The following RREB1 variants were observed in gnomAD, a reference collection of about 807,000 sequenced individuals.
The protein encoded by RREB1 is ras responsive element binding protein 1, also known as ras-responsive element-binding protein 1.
In RREB1, 27 loss-of-function variants were observed where a neutral mutation model predicts 117.8. The observed-to-expected ratio is 0.23, with a 90% confidence interval of 0.17 to 0.32. The LOEUF (loss-of-function observed/expected upper bound fraction) is 0.32, where lower values mean the gene tolerates loss of function less well. RREB1 is among the 10% of genes least tolerant of loss of function. The pLI, the probability that RREB1 is intolerant of heterozygous loss-of-function variation, is 1.00. For synonymous variants in RREB1, 1,298 were observed against 1,026.7 expected (o/e 1.26, Z -5.05); for missense variants, 2,577 against 2,378.2 (o/e 1.08, Z -1.74).
chr6:7,241,100 T>C (rs1239746790), intron 11 of RREB1, among the ~76,000 whole-genome samples: 1 of 152,114 alleles, frequency 6.6e-6, no homozygotes, highest in Non-Finnish European at 1.5e-5. Context: ...CTCTTCCCGG[T>C]GTAAGACTGT....
At chr6:7,205,822 A>G (rs1396361915) in intron 6 of RREB1, among the ~76,000 whole-genome samples, 4 of 152,210 alleles carry the variant, frequency 2.6e-5, no homozygotes, top group Non-Finnish European at 4.4e-5. Context: ...GACCATCTCA[A>G]ATTTTAGAAA....
chr6:7,192,817 C>T (rs902602860), intron 6 of RREB1, among the ~76,000 whole-genome samples: 7 of 151,922 alleles, frequency 4.6e-5, no homozygotes, highest in African/African-American at 1.2e-4. Flanking sequence ...TATTATTATC[C>T]GTTTTCTGCT....
intron 1 of RREB1, among the ~76,000 whole-genome samples, chr6:7,145,243 G>A (rs1210624309): frequency 2.0e-5 from 3 of 152,188 alleles, no homozygotes; most frequent in Non-Finnish European, 1.5e-5. Flanking sequence ...TACATGTGTG[G>A]TCGCATGTTT....
chr6:7,130,139 G>A (rs1391183861), intron 1 of RREB1, among the ~76,000 whole-genome samples: 5 of 152,192 alleles, frequency 3.3e-5, no homozygotes, highest in African/African-American at 4.8e-5. Context: ...AGGAGACAAG[G>A]AGTGCCTTCA....
At chr6:7,209,675 A>C (rs746570152) in intron 6 of RREB1, among the ~76,000 whole-genome samples, 1 of 151,702 alleles carries the variant, frequency 6.6e-6, no homozygotes, top group African/African-American at 2.4e-5. Flanking sequence ...TTGAGAGCCA[A>C]TACCGTGCCA....
At chr6:7,237,870 G>A (rs957652428) in intron 10 of RREB1, among the ~76,000 whole-genome samples, 2 of 152,204 alleles carry the variant, frequency 1.3e-5, no homozygotes, top group Non-Finnish European at 2.9e-5. Context: ...AGCCTTTGTA[G>A]TTTGATGCAA....
intron 10 of RREB1, among the ~76,000 whole-genome samples, chr6:7,232,750 C>G (rs575328790): frequency 2.5e-4 from 36 of 145,040 alleles, no homozygotes; most frequent in African/African-American, 8.6e-4. Flanking sequence ...AAGTATCTTC[C>G]TTTTTTCTTT....
chr6:7,184,270 TA>T (rs200565289), intron 4 of RREB1, among the ~76,000 whole-genome samples: 36 of 150,200 alleles, frequency 2.4e-4, no homozygotes, highest in African/African-American at 8.7e-4. Flanking sequence ...ATTTTATTAT[TA>T]TTATTTTTTT....
At chr6:7,199,616 A>T (rs530135706) in intron 6 of RREB1, among the ~76,000 whole-genome samples, 1 of 151,956 alleles carries the variant, frequency 6.6e-6, no homozygotes, top group South Asian at 2.1e-4. Context: ...ATGTTTACAT[A>T]TATATGTGTG....
chr6:7,210,689 C>A, intron 6 of RREB1, 115 bp from the exon 7 acceptor site: 2 of 803,628 alleles, frequency 2.5e-6, no homozygotes, highest in Non-Finnish European at 3.9e-6. Flanking sequence ...AATTATACCT[C>A]ATATCTCTTA....
At position 7,248,911 on chromosome 6, in the gene RREB1, T is replaced by G. The variant is rs1488528766; in HGVS notation, c.5172T>G (p.Pro1724=). ...TGCTGGAGCCGCGCAGCAAGAGGCCTGCCCACCCAATCCTGGCCACAGCTG... is the reference window on the plus strand; with the variant it reads ...TGCTGGAGCCGCGCAGCAAGAGGCCGGCCCACCCAATCCTGGCCACAGCTG... ...QDLLEPRSKR[P]AHPILATADG... The change falls in exon 13 of 13, where the codon CCT becomes CCG. Residue 1724 remains proline (P), a synonymous_variant. Transcript: ENST00000379938. 1 of 1,548,490 alleles carries G rather than the reference T, an allele frequency of 6.5e-7. No individual in the cohort carries two copies. The highest frequency in any genetic ancestry group is 1.4e-5 in the African/African-American group (1 of 73,446).
chr6:7,134,055 A>G (rs1297157094), intron 1 of RREB1, among the ~76,000 whole-genome samples: 1 of 152,190 alleles, frequency 6.6e-6, no homozygotes, highest in African/African-American at 2.4e-5. Context: ...TCATAGGCTA[A>G]TGTTATAATT....
intron 1 of RREB1, among the ~76,000 whole-genome samples, chr6:7,171,785 A>G (rs1368337163): frequency 6.6e-6 from 1 of 152,186 alleles, no homozygotes; most frequent in Non-Finnish European, 1.5e-5. Flanking sequence ...GAACATGGCC[A>G]TGAGGGATGA....
intron 1 of RREB1, among the ~76,000 whole-genome samples, chr6:7,146,821 T>C (rs905279855): frequency 2.0e-5 from 3 of 151,910 alleles, no homozygotes; most frequent in Admixed American, 6.6e-5. Context: ...AAAGGAGCTC[T>C]TTTTCCTTCC....
intron 1 of RREB1, among the ~76,000 whole-genome samples, chr6:7,169,190 T>C (rs1318905338): frequency 6.6e-6 from 1 of 152,240 alleles, no homozygotes; most frequent in Non-Finnish European, 1.5e-5. Context: ...TGGGTCTACC[T>C]GATAAGCCAG....
chr6:7,163,767 G>C (rs1001540015), intron 1 of RREB1, among the ~76,000 whole-genome samples: 2 of 152,244 alleles, frequency 1.3e-5, no homozygotes, highest in Non-Finnish European at 2.9e-5. Flanking sequence ...CCTGGGTATA[G>C]TGGACTGCAT....
At chr6:7,149,346 C>T (rs573154223) in intron 1 of RREB1, among the ~76,000 whole-genome samples, 1 of 152,266 alleles carries the variant, frequency 6.6e-6, no homozygotes, top group South Asian at 2.1e-4. Context: ...CATAGACATC[C>T]TGGAAAACAT....
rs766615232 is a variant in RREB1, at chr6:7,231,015, C to T, written c.2916C>T (p.Cys972=). 19 of 1,614,124 alleles carry T rather than the reference C, an allele frequency of 1.2e-5. No individual in the cohort carries two copies. Among genetic ancestry groups the T allele is most frequent in the Non-Finnish European group, 1.7e-6 (2 of 1,180,020 alleles). Residue 972 remains cysteine (C), a synonymous_variant, in exon 10 of 13, where the codon TGC becomes TGT. Transcript: ENST00000379938. ...GGAGCAGCGAGCAGCCCTCTCCCTG[C>T]CCAGCACCCGGCCCTTCTCTTCCTG... is the stretch of plus-strand genomic sequence containing the variant. ...EAGSSEQPSP[C]PAPGPSLPVT...
intron 1 of RREB1, among the ~76,000 whole-genome samples, chr6:7,115,120 T>C (rs2113290101): frequency 6.6e-6 from 1 of 152,336 alleles, no homozygotes; most frequent in African/African-American, 2.4e-5. Context: ...GCCGTTTTTA[T>C]AGGGCAGTGT....
Sources: allele counts gnomAD v4.1 joint callset (sites outside exome capture counted in the v4.1 genomes callset), GRCh38; gene constraint gnomAD v4.1.1; transcripts MANE v1.5; gene names NCBI Gene and HGNC (gene_info 2026-07-23, HGNC 2026-07-21).